Variants in TRHDE observed in about 807,000 individuals in gnomAD.
TRHDE encodes thyrotropin-releasing hormone-degrading ectoenzyme.
Under a neutral mutation model 125.7 loss-of-function variants are expected in TRHDE, and 72 were observed. The ratio of observed to expected loss-of-function variants is 0.57; its 90% CI spans 0.47 to 0.70. The LOEUF is 0.70. TRHDE is among the 30% of genes least tolerant of loss of function. The pLI, the probability that TRHDE is intolerant of heterozygous loss-of-function variation, is 0.00. For missense variants in TRHDE, 1,110 were observed against 1,327.1 expected (o/e 0.84, Z 2.54); for synonymous variants, 509 against 509.1 (o/e 1.00, Z 0.00).
At chr12:72,385,328 T>G (rs1384608190) in intron 3 of TRHDE, among the ~76,000 whole-genome samples, 1 of 152,112 alleles carries the variant, frequency 6.6e-6, no homozygotes, top group Admixed American at 6.5e-5. Context: ...GCATTATTAG[T>G]GCTTTTCTGG....
intron 15 of TRHDE, among the ~76,000 whole-genome samples, chr12:72,625,727 TG>T (rs1372447423): frequency 6.6e-5 from 10 of 152,056 alleles, no homozygotes; most frequent in African/African-American, 2.2e-4. Flanking sequence ...ACAAAGGTTA[TG>T]CAACTTGCCA....
chr12:72,269,425 T>TTAC (rs2139400633), upstream of TRHDE, among the ~76,000 whole-genome samples: 1 of 152,322 alleles, frequency 6.6e-6, no homozygotes, highest in Non-Finnish European at 1.5e-5. Flanking sequence ...AATAATCCAT[T>TTAC]TACTAATTTA....
chr12:72,467,166 T>C (rs541051296), intron 3 of TRHDE, among the ~76,000 whole-genome samples: 101 of 152,310 alleles, frequency 6.6e-4, no homozygotes, highest in African/African-American at 2.3e-3. Context: ...ATGTGCCATG[T>C]TGGTGTGCTG....
intron 12 of TRHDE, among the ~76,000 whole-genome samples, chr12:72,603,464 G>A (rs1274259517): frequency 1.3e-5 from 2 of 152,102 alleles, no homozygotes; most frequent in African/African-American, 2.4e-5. Flanking sequence ...GGTGTCTCAA[G>A]CCTGTAATCC....
rs368667547 is a variant in TRHDE at position 72,273,547 on chromosome 12, G to T, written c.904G>T (p.Gly302Trp). Residue 302 changes from glycine (G) to tryptophan (W), a missense_variant, in exon 1 of 19, where the codon GGG becomes TGG. Gly to Trp is a radical substitution (Grantham distance 184). This residue lies in a region of TRHDE where 252 missense variants were observed against 274.8 expected (regional missense o/e 0.92). Coordinates refer to ENST00000261180, the MANE Select transcript of TRHDE (RefSeq NM_013381.3). This position sits in a 1 kb window ranked among gnomAD's most constrained non-coding sequence, Gnocchi z 5.3. ...CTTCCGCAGCTCCTATGTGCTCCAC[G>T]GGGAGAGAAGGTATGGAGGGAGGCG... ...GFFRSSYVLH[G>W]ERRFLGVTQF... 10 of 1,596,150 alleles carry T rather than the reference G, an allele frequency of 6.3e-6. No homozygotes were observed. The highest frequency in any genetic ancestry group is 1.3e-5 in the African/African-American group (1 of 74,784).
chr12:72,286,561 T>C, intron 1 of TRHDE, 120 bp from the exon 2 acceptor site: 1 of 973,366 alleles, frequency 1.0e-6, no homozygotes, highest in South Asian at 1.7e-5. Context: ...TTAAGTTTGG[T>C]TCAGAAAAAA....
chr12:72,647,759 T>C (rs1328830682), intron 15 of TRHDE, among the ~76,000 whole-genome samples: 1 of 152,104 alleles, frequency 6.6e-6, no homozygotes, highest in East Asian at 1.9e-4. Context: ...ATAACTGGGA[T>C]GGAGATTGAA....
At chr12:72,286,978 G>GT in intron 2 of TRHDE, 24 bp downstream of exon 2, 1 of 1,608,296 alleles carries the variant, frequency 6.2e-7, no homozygotes, top group Non-Finnish European at 8.5e-7. Flanking sequence ...GCTTAATGAT[G>GT]TTTTTGGATA....
intron 10 of TRHDE, among the ~76,000 whole-genome samples, chr12:72,571,974 A>AACACACACACACACACACACACACAC (rs59206098): frequency 5.5e-5 from 7 of 127,446 alleles, no homozygotes; most frequent in South Asian, 6.0e-4. Flanking sequence ...TGACTCTGCA[A>AACACACACACACACACACACACACAC]ACACACACAC....
At chr12:72,238,981 T>C (rs1359681413) in intron 2 of TRHDE, among the ~76,000 whole-genome samples, 7 of 152,210 alleles carry the variant, frequency 4.6e-5, no homozygotes, top group Admixed American at 6.5e-5. Context: ...TCTTCCACAA[T>C]GGTTGAACTA....
chr12:72,559,447 A>G (rs893386816), intron 7 of TRHDE, among the ~76,000 whole-genome samples: 1 of 152,212 alleles, frequency 6.6e-6, no homozygotes, highest in Non-Finnish European at 1.5e-5. Flanking sequence ...TTAAACCACT[A>G]TGCTATGATA....
intron 6 of TRHDE, among the ~76,000 whole-genome samples, chr12:72,516,986 G>A (rs1372829836): frequency 6.6e-6 from 1 of 152,064 alleles, no homozygotes; most frequent in Non-Finnish European, 1.5e-5. Flanking sequence ...GCATCCCAGG[G>A]ATGAAGCCCA....
At chr12:72,578,483 C>T (rs1036439626) in intron 12 of TRHDE, among the ~76,000 whole-genome samples, 4 of 152,100 alleles carry the variant, frequency 2.6e-5, no homozygotes, top group Admixed American at 2.0e-4. Context: ...ACTCACCCTC[C>T]CTCATTGAGG....
chr12:72,564,291 G>A (rs1488772795), intron 9 of TRHDE, among the ~76,000 whole-genome samples: 1 of 152,124 alleles, frequency 6.6e-6, no homozygotes, highest in Non-Finnish European at 1.5e-5. Context: ...GCCAAGTGCT[G>A]TTTCTAATCT....
intron 3 of TRHDE, among the ~76,000 whole-genome samples, chr12:72,383,289 G>C (rs1247614501): frequency 3.3e-5 from 5 of 151,370 alleles, no homozygotes; most frequent in Admixed American, 1.3e-4. Context: ...TATCCCAAAA[G>C]CATATCGATA....
At position 72,467,476 on chromosome 12, in the gene TRHDE, G is replaced by A. The variant is rs951970537; in HGVS notation, c.1316-2282G>A. Among the ~76,000 whole-genome samples the A allele has an allele frequency of 7.9e-5, 12 of 152,078 alleles. No homozygotes were observed. The South Asian group carries it at 8.3e-4, about 11-fold the overall frequency. On this transcript the variant is annotated intron_variant, in intron 3 of 18. Coordinates refer to ENST00000261180, the MANE Select transcript of TRHDE (RefSeq NM_013381.3). ...ACTTATGCTGAGTCTAAAATGTAGC[G>A]GAAGATGGGGTCATATTTGACTTAT...
At chr12:72,438,978 A>G (rs1233567041) in intron 3 of TRHDE, among the ~76,000 whole-genome samples, 3 of 151,812 alleles carry the variant, frequency 2.0e-5, no homozygotes, top group Non-Finnish European at 4.4e-5. Context: ...ATTCTTGTGT[A>G]TGGTGTGAGA....
chr12:72,513,850 A>G (rs1878712209), intron 6 of TRHDE, among the ~76,000 whole-genome samples: 1 of 152,114 alleles, frequency 6.6e-6, no homozygotes, highest in Non-Finnish European at 1.5e-5. Context: ...CCATAAAGCC[A>G]GGACCTTAAA....
At chr12:72,440,945 G>A (rs1209790385) in intron 3 of TRHDE, among the ~76,000 whole-genome samples, 7 of 151,868 alleles carry the variant, frequency 4.6e-5, no homozygotes, top group African/African-American at 1.2e-4. Flanking sequence ...CAAGAAGTTA[G>A]TAACAAATGA....
Sources: allele counts gnomAD v4.1 joint callset (sites outside exome capture counted in the v4.1 genomes callset), GRCh38; gene constraint gnomAD v4.1.1; regional missense constraint gnomAD v4.1.1; non-coding constraint Gnocchi (gnomAD v3.1); transcripts MANE v1.5; gene names NCBI Gene and HGNC (gene_info 2026-07-23, HGNC 2026-07-21).